TREML1: variants seen among roughly 807,000 people sequenced by gnomAD.
TREML1 encodes the protein triggering receptor expressed on myeloid cells like 1.
A neutral mutation model predicts 22.8 loss-of-function variants in TREML1; 27 were observed. The observed-to-expected ratio is 1.19, with a 90% CI of 0.87 to 1.64. The LOEUF (loss-of-function observed/expected upper bound fraction) is 1.64. Among genes scored for constraint, TREML1 ranks in the 40% most tolerant of loss-of-function variants. The pLI is 0.00. For synonymous variants in TREML1, 153 were observed against 161.9 expected (o/e 0.94, Z 0.42); for missense variants, 356 against 382.0 (o/e 0.93, Z 0.57).
chr6:41,154,046 C>T lies in TREML1; in HGVS notation c.88G>A (p.Val30Met), dbSNP rs138353235. ...CACTGCACCAGAATGGAGCTTCCCACGGGTGCCTGCAGCACCTCAGGGAGG... is the reference window on the plus strand; with the variant it reads ...CACTGCACCAGAATGGAGCTTCCCATGGGTGCCTGCAGCACCTCAGGGAGG... Reference protein sequence around the residue: ...GSLPEVLQAPVGSSILVQCHY... With the variant: ...GSLPEVLQAPMGSSILVQCHY... The change falls in exon 2 of 6, where the codon GTG (valine) becomes ATG (methionine). Residue 30 changes from valine (V) to methionine (M), a missense_variant. By Grantham distance (21) the Val-to-Met change is conservative (BLOSUM62 1). Transcript: ENST00000426005. 238 of 1,614,014 alleles carry T rather than the reference C, an allele frequency of 1.5e-4. No individual in the cohort carries two copies. The African/African-American group carries it at 2.9e-3, about 20-fold the overall frequency.
upstream of TREML1, among the ~76,000 whole-genome samples, chr6:41,154,935 A>G (rs190766295): frequency 6.6e-6 from 1 of 152,214 alleles, no homozygotes; most frequent in Admixed American, 6.5e-5. Context: ...TTTTTCTGCA[A>G]TTCCTTAACT....
At chr6:41,150,045 T>C (rs1582066449) in intron 5 of TREML1, 127 bp from the exon 6 acceptor site, 4 of 1,069,486 alleles carry the variant, frequency 3.7e-6, no homozygotes, top group East Asian at 5.1e-5. Flanking sequence ...GAGGGCTTCA[T>C]TGTGAAGATT....
intron 3 of TREML1, 138 bp downstream of exon 3, chr6:41,151,144 C>CTA (rs1765234359): frequency 3.8e-6 from 3 of 780,820 alleles, no homozygotes; most frequent in Non-Finnish European, 6.5e-6. Flanking sequence ...ATGTATCTGT[C>CTA]TGTCTGTCTG....
rs763980975 is a variant in TREML1, at chr6:41,151,365, A to G, written c.396T>C (p.His132=). ...CGTTCTCAGCCAGACTGCCAATCTTATGGGTCTCTTCTTCTTCCTCTGTCA... is the reference window on the plus strand; with the variant it reads ...CGTTCTCAGCCAGACTGCCAATCTTGTGGGTCTCTTCTTCTTCCTCTGTCA... The part of the protein sequence containing the change: ...ILPPEEEEET[H]KIGSLAENAF... The change falls in exon 3 of 6, where the codon CAT becomes CAC. Residue 132 remains histidine, a synonymous_variant. Transcript: ENST00000426005. 5 of 1,614,012 alleles carry G rather than the reference A, an allele frequency of 3.1e-6. No individual in the cohort carries two copies. The highest frequency in any genetic ancestry group is 2.5e-6 in the Non-Finnish European group (3 of 1,180,032).
At position 41,153,880 on chromosome 6, in the gene TREML1, C is replaced by T. The variant is rs1479266364; in HGVS notation, c.254G>A (p.Gly85Asp). 2 of 1,614,088 alleles carry T rather than the reference C, an allele frequency of 1.2e-6. No individual in the cohort carries two copies. The highest frequency in any genetic ancestry group is 1.1e-5 in the South Asian group (1 of 91,090). Reference protein sequence around the residue: ...RRTFLTDLGGGLLQVEMVTLQ... With the variant: ...RRTFLTDLGGDLLQVEMVTLQ... ...GGTAACCATTTCCACCTGCAGCAGG[C>T]CCCCACCCAGGTCTGTGAGAAACGT... The change falls in exon 2 of 6, where the codon GGC becomes GAC. Residue 85 changes from glycine to aspartate, a missense_variant. By Grantham distance (94) the Gly-to-Asp change is moderately conservative. Coordinates refer to ENST00000426005, the MANE Select transcript of TREML1 (RefSeq NM_178174.4).
chr6:41,152,002 C>T (rs1765264687), intron 2 of TREML1, among the ~76,000 whole-genome samples: 1 of 152,184 alleles, frequency 6.6e-6, no homozygotes, highest in South Asian at 2.1e-4. Context: ...CTTCTGTCAC[C>T]CATATGATGT....
At chr6:41,150,220 A>T in intron 5 of TREML1, 41 bp downstream of exon 5, 1 of 1,609,066 alleles carries the variant, frequency 6.2e-7, no homozygotes, top group African/African-American at 1.3e-5. Flanking sequence ...ATGAATGGAA[A>T]GTCTGGGGAA....
intron 3 of TREML1, 135 bp downstream of exon 3, chr6:41,151,147 T>C (rs773584456): frequency 1.3e-6 from 1 of 796,900 alleles, no homozygotes; most frequent in Non-Finnish European, 2.1e-6. Flanking sequence ...TATCTGTCTG[T>C]CTGTCTGTCC....
chr6:41,151,882 G>C (rs896088763), intron 2 of TREML1, among the ~76,000 whole-genome samples: 4 of 152,156 alleles, frequency 2.6e-5, no homozygotes. Context: ...CCCAAGCTCT[G>C]CCCTCAGGAC....
Position 41,149,898 on chromosome 6 carries a change from G to A in TREML1, c.642C>T (p.His214=). The stretch of plus-strand genomic sequence containing the variant: ...CAGCCGGTCCAGAGTCACTGACGTG[G>A]TGGACCACTGAGGAGGGATTCTGTA... ...VSGMNPSSVV[H]HVSDSGPAAE... is the part of the protein sequence containing the mutation. Residue 214 remains histidine, a synonymous_variant, in exon 6 of 6, where the codon CAC becomes CAT. Coordinates refer to ENST00000426005, the MANE Select transcript of TREML1 (RefSeq NM_178174.4). The A allele has an allele frequency of 6.2e-7, 1 of 1,613,708 alleles. No homozygotes were observed. Among genetic ancestry groups the A allele is most frequent in the Non-Finnish European group, 8.5e-7 (1 of 1,179,816 alleles).
upstream of TREML1, among the ~76,000 whole-genome samples, chr6:41,155,375 T>TTCTCTCTCTCTCTCTCTCTCTCTCTC (rs3049085): frequency 9.9e-3 from 1,347 of 136,728 alleles, 63 homozygotes; most frequent in African/African-American, 0.034. Flanking sequence ...GAGTAAACGT[T>TTCTCTCTCTCTCTCTCTCTCTCTCTC]TCTCTCTCTC....
chr6:41,152,644 G>A (rs774955367), intron 2 of TREML1, among the ~76,000 whole-genome samples: 1 of 151,970 alleles, frequency 6.6e-6, no homozygotes, highest in Non-Finnish European at 1.5e-5. Context: ...AGGCCAAGGC[G>A]GGCAGATCAC....
intron 3 of TREML1, 145 bp from the exon 4 acceptor site, chr6:41,151,052 G>A: frequency 1.3e-6 from 1 of 742,714 alleles, no homozygotes; most frequent in South Asian, 1.7e-5. Flanking sequence ...ACTGAGGTAG[G>A]GCAGAAGAGG....
Position 41,149,564 on chromosome 6 carries a change from C to A in TREML1, c.*40G>T. On this transcript the variant is annotated 3_prime_UTR_variant, in exon 6 of 6. Coordinates refer to ENST00000426005, the MANE Select transcript of TREML1 (RefSeq NM_178174.4). ...CTGGCTGGATGGATGCACAGAACCC[C>A]TAGGGATGGTCCTCATGAGTTTAAA... 6.4e-7 allele frequency: 1 copy of A among 1,572,152 alleles called. No homozygotes were observed. The highest frequency in any genetic ancestry group is 8.7e-7 in the Non-Finnish European group (1 of 1,155,830).
intron 5 of TREML1, 104 bp downstream of exon 5, chr6:41,150,139 GAGGGTTTGGACCCCAACT>G (rs1765206808): frequency 8.7e-7 from 1 of 1,144,644 alleles, no homozygotes; most frequent in African/African-American, 1.6e-5. Flanking sequence ...CATTTAGGAA[GAGGGTTTGGACCCCAACT>G]AGGTCCCAGT....
intron 2 of TREML1, among the ~76,000 whole-genome samples, chr6:41,152,499 T>C (rs1452956973): frequency 1.3e-5 from 2 of 152,072 alleles, no homozygotes; most frequent in Non-Finnish European, 2.9e-5. Context: ...ATATTTATAA[T>C]ATAAAACAAT....
upstream of TREML1, among the ~76,000 whole-genome samples, chr6:41,155,352 G>C (rs542210317): frequency 8.4e-5 from 11 of 131,606 alleles, no homozygotes; most frequent in Admixed American, 2.3e-4. Flanking sequence ...CTTCACCGGA[G>C]ATTTACATTC....
intron 2 of TREML1, among the ~76,000 whole-genome samples, chr6:41,152,287 G>A (rs753925600): frequency 1.1e-4 from 17 of 152,108 alleles, no homozygotes; most frequent in Non-Finnish European, 1.9e-4. Flanking sequence ...TGGATGCTAC[G>A]CGCCACCTGC....
intron 2 of TREML1, among the ~76,000 whole-genome samples, chr6:41,152,258 C>T (rs926239943): frequency 4.6e-5 from 7 of 152,134 alleles, no homozygotes; most frequent in African/African-American, 9.7e-5. Flanking sequence ...CTCACCTGAG[C>T]CGCAAGCCAC....
Sources: gnomAD v4.1 joint callset for allele counts (sites outside exome capture counted in the v4.1 genomes callset) on GRCh38, gnomAD v4.1.1 for gene constraint, MANE v1.5 for transcripts, NCBI Gene and HGNC (gene_info 2026-07-23, HGNC 2026-07-21) for gene names.